RRAGD: variants seen among roughly 807,000 people sequenced by gnomAD.
The protein encoded by RRAGD is ras-related GTP-binding protein D.
Under a neutral mutation model 35.5 loss-of-function variants are expected in RRAGD, and 12 were observed. The ratio of observed to expected loss-of-function variants is 0.34; its 90% confidence interval spans 0.22 to 0.55. The LOEUF (loss-of-function observed/expected upper bound fraction) is 0.55. RRAGD is among the 20% of genes least tolerant of loss of function. RRAGD has a pLI of 0.91. For synonymous variants in RRAGD, 155 were observed against 178.9 expected, an observed-to-expected ratio of 0.87 and a Z score of 1.07; for missense variants, 324 against 490.1, an observed-to-expected ratio of 0.66 and a Z score of 3.20.
At chr6:89,408,185 A>G (rs1352223153) in intron 1 of RRAGD, among the ~76,000 whole-genome samples, 2 of 152,222 alleles carry the variant, frequency 1.3e-5, no homozygotes, top group Non-Finnish European at 2.9e-5. Flanking sequence ...AAAGGGGCTT[A>G]CATTTCCATA....
intron 1 of RRAGD, among the ~76,000 whole-genome samples, chr6:89,389,351 C>CA (rs1390431639): frequency 1.3e-5 from 2 of 151,992 alleles, no homozygotes; most frequent in Non-Finnish European, 2.9e-5. Flanking sequence ...GTCAGCAGAT[C>CA]AAGACCACCC....
Position 89,387,018 on chromosome 6 carries a change from T to C in RRAGD, c.444+277A>G, listed in dbSNP as rs553829586. Among the ~76,000 whole-genome samples, 14 of 152,308 alleles carry C rather than the reference T, an allele frequency of 9.2e-5. No homozygotes were observed. In the South Asian group the frequency reaches 2.3e-3, roughly 25 times the overall value. On this transcript the variant is annotated intron_variant, in intron 2 of 6. Transcript: ENST00000369415. ...TTGTAGATGTTGACTAGCGGTACCA[T>C]AGTGGGGATGACATATTTGGCCTAA...
intron 5 of RRAGD, 67 bp downstream of exon 5, chr6:89,377,604 G>T: frequency 7.2e-7 from 1 of 1,380,430 alleles, no homozygotes; most frequent in South Asian, 1.7e-5. Flanking sequence ...AAATGTAAAT[G>T]CAAAATGCCT....
At chr6:89,394,006 G>A (rs964194424) in intron 1 of RRAGD, among the ~76,000 whole-genome samples, 2 of 152,172 alleles carry the variant, frequency 1.3e-5, no homozygotes, top group African/African-American at 4.8e-5. Flanking sequence ...CAAAAGAATA[G>A]AGCACTGGAA....
intron 1 of RRAGD, among the ~76,000 whole-genome samples, chr6:89,403,767 G>A (rs1230255603): frequency 2.6e-5 from 4 of 151,236 alleles, no homozygotes; most frequent in Admixed American, 6.6e-5. Context: ...CCCAAGTAGC[G>A]AGGACTACAG....
At chr6:89,384,998 G>T (rs532958656) in intron 2 of RRAGD, among the ~76,000 whole-genome samples, 1 of 151,860 alleles carries the variant, frequency 6.6e-6, no homozygotes, top group Non-Finnish European at 1.5e-5. Context: ...AGGCTGTAGC[G>T]GGTTATAATC....
In RRAGD at chr6:89,366,622, TA is replaced by T. The variant is rs76048977; in HGVS notation, c.*1433del. 7,741 of 146,392 alleles carry T rather than the reference TA, an allele frequency of 0.053. 338 individuals carry two copies. Among genetic ancestry groups the T allele is most frequent in the African/African-American group, 0.12 (5,010 of 40,134 alleles). 9.1% of individuals were successfully genotyped at this position (146,392 alleles called of 1,614,324 possible). A position where few individuals can be genotyped will look rare whatever the true frequency, so the allele number is the denominator to read the frequency against. ...TTGATGTTCTTAGGAGGCTCTGCTT[TA>T]AAAAAAAAAAAATCTCATTTTCTAA... On this transcript the variant is annotated 3_prime_UTR_variant, in exon 7 of 7. Transcript: ENST00000369415.
intron 6 of RRAGD, among the ~76,000 whole-genome samples, chr6:89,370,654 A>G (rs1161004949): frequency 6.6e-6 from 1 of 152,226 alleles, no homozygotes; most frequent in Non-Finnish European, 1.5e-5. Context: ...ATTATTTATA[A>G]CATTAAAATC....
intron 1 of RRAGD, among the ~76,000 whole-genome samples, chr6:89,396,410 A>T (rs1351403859): frequency 6.6e-6 from 1 of 151,542 alleles, no homozygotes; most frequent in African/African-American, 2.4e-5. Flanking sequence ...ATAAGAAATG[A>T]CTCAATTTTA....
Position 89,400,870 on chromosome 6 carries a change from C to G in RRAGD, c.148+10976G>C, listed in dbSNP as rs1358636739. 2.0e-5 allele frequency among the ~76,000 whole-genome samples: 3 copies of G among 152,172 alleles called. No individual in the cohort carries two copies. In the East Asian group the frequency reaches 5.8e-4, roughly 29 times the overall value. ...TTCAAAAATCCGCTACAGGAGGGCT[C>G]CCCTTCAACCTACCCAGAAAGTTGC... On this transcript the variant is annotated intron_variant, in intron 1 of 6. Transcript: ENST00000369415.
intron 1 of RRAGD, among the ~76,000 whole-genome samples, chr6:89,403,873 G>C (rs1199498731): frequency 2.0e-5 from 3 of 151,994 alleles, no homozygotes; most frequent in African/African-American, 7.3e-5. Flanking sequence ...GTCCAGGCTG[G>C]TCTTGAACAC....
At chr6:89,369,341 G>A (rs1161615603) in intron 6 of RRAGD, among the ~76,000 whole-genome samples, 1 of 152,216 alleles carries the variant, frequency 6.6e-6, no homozygotes. Context: ...AGATGTGAGA[G>A]CCTCAAGATT....
chr6:89,376,674 C>T (rs1277708277), intron 5 of RRAGD, among the ~76,000 whole-genome samples: 1 of 152,000 alleles, frequency 6.6e-6, no homozygotes, highest in Non-Finnish European at 1.5e-5. Context: ...TTCCCCCACT[C>T]CTTGTTTATT....
At chr6:89,373,147 G>C (rs922293843) in intron 5 of RRAGD, among the ~76,000 whole-genome samples, 7 of 152,174 alleles carry the variant, frequency 4.6e-5, no homozygotes, top group Admixed American at 1.3e-4. Context: ...CTCTCAAATG[G>C]TTCACTGAAA....
intron 2 of RRAGD, among the ~76,000 whole-genome samples, chr6:89,384,030 T>C (rs1769093600): frequency 6.6e-6 from 1 of 151,202 alleles, no homozygotes; most frequent in African/African-American, 2.4e-5. Flanking sequence ...TTGAACCCAG[T>C]TGGCGGGGAT....
Position 89,410,571 on chromosome 6 carries a change from C to T in RRAGD, c.148+1275G>A, listed in dbSNP as rs1446283375. 3.9e-5 allele frequency among the ~76,000 whole-genome samples: 6 copies of T among 152,194 alleles called. No individual in the cohort carries two copies. The South Asian group carries it at 1.0e-3, about 26-fold the overall frequency. On this transcript the variant is annotated intron_variant, in intron 1 of 6. Transcript: ENST00000369415. Reference sequence around the variant, plus strand: ...AAGACAGAAAGCACAAAGGTGCACACATCAGTTTAAGCAAATGAGGAATTA... The same window carrying T: ...AAGACAGAAAGCACAAAGGTGCACATATCAGTTTAAGCAAATGAGGAATTA...
chr6:89,390,345 A>G (rs1769208975), intron 1 of RRAGD, among the ~76,000 whole-genome samples: 1 of 152,260 alleles, frequency 6.6e-6, no homozygotes, highest in Non-Finnish European at 1.5e-5. Flanking sequence ...CCAATAAAAA[A>G]TGAGCAAAGG....
At position 89,378,116 on chromosome 6, in the gene RRAGD, C is replaced by G. The variant is rs147269052; in HGVS notation, c.760-303G>C. Among the ~76,000 whole-genome samples the G allele has an allele frequency of 5.0e-3, 764 of 152,184 alleles. 4 individuals carry two copies. Among genetic ancestry groups the G allele is most frequent in the Middle Eastern group, 0.01 (3 of 294 alleles). ...GCCAGGAGTTCGAAACCAGCCTGAC[C>G]AACCGGGAGAAACCTGTCTCTACTA... On this transcript the variant is annotated intron_variant, in intron 4 of 6. Coordinates refer to ENST00000369415, the MANE Select transcript of RRAGD (RefSeq NM_021244.5).
chr6:89,372,287 C>G (rs542840657), intron 6 of RRAGD, 150 bp downstream of exon 6: 5 of 848,560 alleles, frequency 5.9e-6, no homozygotes, highest in South Asian at 1.8e-5. Flanking sequence ...GAGCCCGCCC[C>G]GCTCTGAACT....
Sources: allele counts gnomAD v4.1 joint callset (sites outside exome capture counted in the v4.1 genomes callset), GRCh38; gene constraint gnomAD v4.1.1; transcripts MANE v1.5; gene names NCBI Gene and HGNC (gene_info 2026-07-23, HGNC 2026-07-21).